The following SENP7 variants were observed in gnomAD, a reference collection of about 807,000 sequenced individuals.
SENP7 encodes the protein SUMO specific peptidase 7.
Under a neutral mutation model 141.2 loss-of-function variants are expected in SENP7, and 64 were observed. The ratio of observed to expected loss-of-function variants is 0.45; its 90% CI spans 0.37 to 0.56. The LOEUF is 0.56. SENP7 is among the 20% of genes least tolerant of loss of function. The pLI is 0.00. For synonymous variants in SENP7, 382 were observed against 426.4 expected (o/e 0.90, Z 1.28); for missense variants, 1,025 against 1,212.2 (o/e 0.85, Z 2.29).
chr3:101,476,447 C>T (rs1451260013), intron 3 of SENP7, among the ~76,000 whole-genome samples: 2 of 152,182 alleles, frequency 1.3e-5, no homozygotes, highest in African/African-American at 2.4e-5. Context: ...TTTATGGCTG[C>T]ATAGAATTCT....
chr3:101,336,174 C>A (rs6441597), intron 17 of SENP7, among the ~76,000 whole-genome samples: 61,403 of 152,002 alleles, frequency 0.4, 12,839 homozygotes, highest in Admixed American at 0.54. Context: ...AGCTTCAATT[C>A]ATAAAGACAA....
chr3:101,413,811 T>C (rs148364108), intron 5 of SENP7, among the ~76,000 whole-genome samples: 177 of 149,970 alleles, frequency 1.2e-3, no homozygotes, highest in African/African-American at 4.0e-3. Flanking sequence ...AAGCTGAAAA[T>C]AGTTCCCTAA....
chr3:101,471,008 A>G (rs1008565128), intron 3 of SENP7, among the ~76,000 whole-genome samples: 1 of 152,226 alleles, frequency 6.6e-6, no homozygotes, highest in African/African-American at 2.4e-5. Context: ...AAGAGGACAC[A>G]AACAAATGGA....
At chr3:101,447,818 C>G (rs929093696) in intron 4 of SENP7, among the ~76,000 whole-genome samples, 1 of 151,750 alleles carries the variant, frequency 6.6e-6, no homozygotes, top group African/African-American at 2.4e-5. Context: ...AAGACCCACA[C>G]TTCCCAATTT....
intron 4 of SENP7, among the ~76,000 whole-genome samples, chr3:101,446,738 A>T (rs905953825): frequency 2.0e-5 from 3 of 152,186 alleles, no homozygotes; most frequent in African/African-American, 7.2e-5. Flanking sequence ...CAGAAACACA[A>T]CATACCAAAA....
At chr3:101,496,713 G>A (rs1462810409) in intron 2 of SENP7, among the ~76,000 whole-genome samples, 1 of 152,006 alleles carries the variant, frequency 6.6e-6, no homozygotes, top group East Asian at 1.9e-4. Flanking sequence ...AAGTAGATGG[G>A]ACTACAAAAA....
chr3:101,369,427 A>G (rs1576119944), intron 7 of SENP7, among the ~76,000 whole-genome samples: 1 of 152,196 alleles, frequency 6.6e-6, no homozygotes, highest in East Asian at 1.9e-4. Flanking sequence ...TGTCTTTGAC[A>G]TTACTTAAAG....
chr3:101,342,175 C>T (rs2059343896), intron 14 of SENP7, among the ~76,000 whole-genome samples: 1 of 151,896 alleles, frequency 6.6e-6, no homozygotes, highest in Non-Finnish European at 1.5e-5. Flanking sequence ...ATATTGACAA[C>T]ATTATACATA....
Position 101,343,856 on chromosome 3 carries a change from T to C in SENP7, c.1936A>G (p.Ser646Gly). 1 of 1,613,776 alleles carries C rather than the reference T, an allele frequency of 6.2e-7. No individual in the cohort carries two copies. Among genetic ancestry groups the C allele is most frequent in the Non-Finnish European group, 8.5e-7 (1 of 1,179,758 alleles). Residue 646 changes from serine (S) to glycine (G), a missense_variant, in exon 14 of 24, where the codon AGT (serine) becomes GGT (glycine). By Grantham distance (56) the Ser-to-Gly change is moderately conservative. Transcript: ENST00000394095. ...GGGTAAGAAAGCTCTAATTCTCCAC[T>C]GATTATACTTATTTCCGTCATAATA... Reference protein sequence around the residue: ...KDIMTEISIISGELELSYPLS... With the variant: ...KDIMTEISIIGGELELSYPLS...
intron 1 of SENP7, among the ~76,000 whole-genome samples, chr3:101,506,066 G>A (rs180817871): frequency 2.5e-3 from 320 of 126,870 alleles, no homozygotes; most frequent in Non-Finnish European, 3.6e-3. Flanking sequence ...TGTCACCCAC[G>A]CTGGAGTGCA....
chr3:101,504,078 C>A (rs531725520), intron 1 of SENP7, among the ~76,000 whole-genome samples: 3 of 152,000 alleles, frequency 2.0e-5, no homozygotes, highest in Admixed American at 2.0e-4. Flanking sequence ...GAAATGATTT[C>A]TTCTAAGTTC....
At chr3:101,428,672 CT>C (rs2107703146) in intron 4 of SENP7, among the ~76,000 whole-genome samples, 1 of 152,288 alleles carries the variant, frequency 6.6e-6, no homozygotes, top group African/African-American at 2.4e-5. Flanking sequence ...CTGATAGTTT[CT>C]TTTGCTGTGC....
At chr3:101,456,653 G>GA (rs535639454) in intron 4 of SENP7, among the ~76,000 whole-genome samples, 47 of 152,150 alleles carry the variant, frequency 3.1e-4, no homozygotes, top group African/African-American at 1.0e-3. Flanking sequence ...GATAATGCCA[G>GA]AAAACTAAAA....
At position 101,465,243 on chromosome 3, in the gene SENP7, C is replaced by T. The variant is rs78349319; in HGVS notation, c.187-6191G>A. On this transcript the variant is annotated intron_variant, in intron 3 of 23. Transcript: ENST00000394095. ...GGGATCAATCCACCCCCCTCACCCC[C>T]GCCACTGGCTCAGACACATGCCTTC... is the stretch of plus-strand genomic sequence containing the variant. Among the ~76,000 whole-genome samples, 1,235 of 152,192 alleles carry T rather than the reference C, an allele frequency of 8.1e-3. 19 individuals carry two copies. The highest frequency in any genetic ancestry group is 0.028 in the African/African-American group (1,178 of 41,500).
intron 4 of SENP7, among the ~76,000 whole-genome samples, chr3:101,437,151 T>C (rs2062421425): frequency 6.6e-6 from 1 of 152,194 alleles, no homozygotes; most frequent in Non-Finnish European, 1.5e-5. Context: ...CTCACTTATT[T>C]GTGGGATCTA....
At chr3:101,510,767 C>T (rs763754257) in intron 1 of SENP7, among the ~76,000 whole-genome samples, 57 of 146,584 alleles carry the variant, frequency 3.9e-4, no homozygotes, top group African/African-American at 1.4e-3. Flanking sequence ...GCAGAAGAAT[C>T]GCTTGAACCT....
At chr3:101,367,189 AC>A (rs1444162089) in intron 8 of SENP7, among the ~76,000 whole-genome samples, 10 of 152,294 alleles carry the variant, frequency 6.6e-5, no homozygotes, top group East Asian at 1.9e-4. Context: ...ATGAAAATCA[AC>A]CACTGCCTTC....
At chr3:101,442,314 A>C (rs1283323928) in intron 4 of SENP7, among the ~76,000 whole-genome samples, 1 of 152,214 alleles carries the variant, frequency 6.6e-6, no homozygotes, top group Non-Finnish European at 1.5e-5. Context: ...AGACCACGGG[A>C]TGGCAGGGGA....
At chr3:101,366,807 AATTTGGCTTGCTTAAACC>A in intron 8 of SENP7, 38 bp from the exon 9 acceptor site, 1 of 1,413,970 alleles carries the variant, frequency 7.1e-7, no homozygotes, top group Non-Finnish European at 9.5e-7. Flanking sequence ...GCATTTTTCA[AATTTGGCTTGCTTAAACC>A]ATTTTTAAAT....
Sources: gnomAD v4.1 joint callset for allele counts (sites outside exome capture counted in the v4.1 genomes callset) on GRCh38, gnomAD v4.1.1 for gene constraint, MANE v1.5 for transcripts, NCBI Gene and HGNC (gene_info 2026-07-23, HGNC 2026-07-21) for gene names.